PAX7: variants seen among roughly 807,000 people sequenced by gnomAD.
PAX7 encodes paired box protein Pax-7.
A neutral mutation model predicts 50.7 loss-of-function variants in PAX7; 18 were observed. The observed-to-expected ratio is 0.36, with a 90% CI of 0.25 to 0.53. PAX7 has a LOEUF of 0.53. Ranked by LOEUF, PAX7 falls within the 20% of genes least tolerant of loss-of-function variation. PAX7 has a pLI of 0.93. For missense variants in PAX7, 644 were observed against 702.9 expected, an observed-to-expected ratio of 0.92 and a Z score of 0.95; for synonymous variants, 310 against 290.4, an observed-to-expected ratio of 1.07 and a Z score of -0.69.
intron 5 of PAX7, among the ~76,000 whole-genome samples, chr1:18,693,796 TGGC>T (rs1262496430): frequency 6.6e-6 from 1 of 152,248 alleles, no homozygotes; most frequent in African/African-American, 2.4e-5. Flanking sequence ...TTCCCACGTC[TGGC>T]GGCCACGGCG....
At chr1:18,715,880 G>C (rs894281549) in intron 7 of PAX7, among the ~76,000 whole-genome samples, 1 of 152,144 alleles carries the variant, frequency 6.6e-6, no homozygotes, top group Non-Finnish European at 1.5e-5. Flanking sequence ...CCGGGATGCA[G>C]ACCTCCTGTT....
chr1:18,707,960 T>C (rs956825755), intron 7 of PAX7, among the ~76,000 whole-genome samples: 5 of 152,112 alleles, frequency 3.3e-5, no homozygotes, highest in Non-Finnish European at 7.4e-5. Context: ...AGCTGAGTTA[T>C]ATGGGCAAAT....
At chr1:18,730,731 G>T (rs1003720740) in intron 7 of PAX7, among the ~76,000 whole-genome samples, 2 of 152,150 alleles carry the variant, frequency 1.3e-5, no homozygotes, top group Non-Finnish European at 2.9e-5. Context: ...GTAGGGGAGC[G>T]CGCCGGCATG....
chr1:18,701,323 CGTGCATGAGTGTGTGCGTGTGA>C (rs1185664860), intron 6 of PAX7, among the ~76,000 whole-genome samples: 2 of 151,562 alleles, frequency 1.3e-5, no homozygotes, highest in African/African-American at 2.4e-5. Context: ...CGTGTGAGTG[CGTGCATGAGTGTGTGCGTGTGA>C]GTGCATGAGT....
chr1:18,725,993 TGCGCGC>T (rs61357866), intron 7 of PAX7, among the ~76,000 whole-genome samples: 6 of 148,636 alleles, frequency 4.0e-5, no homozygotes, highest in Non-Finnish European at 6.0e-5. Flanking sequence ...TGTGTGTGTG[TGCGCGC>T]GCGCGCGTGC....
intron 7 of PAX7, among the ~76,000 whole-genome samples, chr1:18,722,054 C>T (rs1031872586): frequency 6.6e-6 from 1 of 152,208 alleles, no homozygotes; most frequent in Non-Finnish European, 1.5e-5. Context: ...AGGGTTAGAC[C>T]TGCTTCCCAG....
chr1:18,692,517 G>C (rs1161316906), intron 5 of PAX7, among the ~76,000 whole-genome samples: 1 of 151,610 alleles, frequency 6.6e-6, no homozygotes, highest in Non-Finnish European at 1.5e-5. Flanking sequence ...ACTCCAGCCT[G>C]GGTGACAGAG....
intron 4 of PAX7, among the ~76,000 whole-genome samples, chr1:18,689,178 C>T (rs748850753): frequency 6.6e-6 from 1 of 152,232 alleles, no homozygotes; most frequent in Non-Finnish European, 1.5e-5. Flanking sequence ...GGGCTGGCCT[C>T]GCTGCCTGCC....
chr1:18,692,258 G>C (rs1275112488), intron 5 of PAX7, among the ~76,000 whole-genome samples: 1 of 151,988 alleles, frequency 6.6e-6, no homozygotes, highest in Non-Finnish European at 1.5e-5. Context: ...AGAAGGGAGG[G>C]AGGCCAGGTG....
chr1:18,631,907 A>C (rs1197658532), intron 1 of PAX7, among the ~76,000 whole-genome samples: 1 of 152,134 alleles, frequency 6.6e-6, no homozygotes, highest in East Asian at 1.9e-4. Context: ...TTCGTTTCGC[A>C]GGTCGCTAGC....
intron 4 of PAX7, among the ~76,000 whole-genome samples, chr1:18,673,292 C>G (rs1037828025): frequency 7.9e-5 from 12 of 152,198 alleles, no homozygotes; most frequent in Admixed American, 3.3e-4. Flanking sequence ...GCAAGAGCGT[C>G]ATAGACACCC....
At chr1:18,724,252 A>G (rs535609527) in intron 7 of PAX7, among the ~76,000 whole-genome samples, 1 of 152,312 alleles carries the variant, frequency 6.6e-6, no homozygotes, top group East Asian at 1.9e-4. Context: ...TCTGTCTTCC[A>G]CAGAGAAAAC....
At chr1:18,637,978 G>A (rs1351289072) in intron 4 of PAX7, among the ~76,000 whole-genome samples, 1 of 152,256 alleles carries the variant, frequency 6.6e-6, no homozygotes, top group Non-Finnish European at 1.5e-5. Context: ...ACACCTGCCG[G>A]GGGACCCAGT....
chr1:18,736,627 T>C (rs1930671694), intron 8 of PAX7, among the ~76,000 whole-genome samples: 1 of 152,208 alleles, frequency 6.6e-6, no homozygotes, highest in Non-Finnish European at 1.5e-5. Flanking sequence ...TTTGACATCA[T>C]GTGTGTGTTT....
intron 4 of PAX7, among the ~76,000 whole-genome samples, chr1:18,686,345 T>G (rs558161390): frequency 6.6e-6 from 1 of 152,204 alleles, no homozygotes; most frequent in Admixed American, 6.5e-5. Context: ...CCTTCTCTTT[T>G]GGGGCAATCT....
intron 2 of PAX7, 62 bp from the exon 3 acceptor site, chr1:18,635,049 A>C: frequency 6.3e-7 from 1 of 1,589,758 alleles, no homozygotes; most frequent in Non-Finnish European, 8.6e-7. Flanking sequence ...GGTGATATTA[A>C]AAGTATTTTC....
intron 4 of PAX7, among the ~76,000 whole-genome samples, chr1:18,680,806 G>T (rs947685936): frequency 1.2e-4 from 19 of 152,182 alleles, no homozygotes; most frequent in African/African-American, 4.6e-4. Flanking sequence ...ACCCATGAGA[G>T]AAGTGAATGA....
chr1:18,707,835 A>AC lies in PAX7; in HGVS notation c.1155+4545dup, dbSNP rs558834020. Among the ~76,000 whole-genome samples, 21 of 151,858 alleles carry AC rather than the reference A, an allele frequency of 1.4e-4. No individual in the cohort carries two copies. The East Asian group carries it at 3.9e-3, about 28-fold the overall frequency. ...CAAGAAGAAACCATCTAGGGAAGCC[A>AC]CCCCCCATCTATGGAAGCCACCCCC... On this transcript the variant is annotated intron_variant, in intron 7 of 8. Coordinates refer to ENST00000420770, the MANE Select transcript of PAX7 (RefSeq NM_001135254.2).
At chr1:18,737,786 G>A (rs182489114) in intron 8 of PAX7, among the ~76,000 whole-genome samples, 1 of 152,370 alleles carries the variant, frequency 6.6e-6, no homozygotes, top group Admixed American at 6.5e-5. Flanking sequence ...ATTCAAGTCT[G>A]TACATATGGT....
Sources: gnomAD v4.1 joint callset for allele counts (sites outside exome capture counted in the v4.1 genomes callset) on GRCh38, gnomAD v4.1.1 for gene constraint, MANE v1.5 for transcripts, NCBI Gene and HGNC (gene_info 2026-07-23, HGNC 2026-07-21) for gene names.